Variants in RGS20 observed in about 807,000 individuals in gnomAD.
The protein encoded by RGS20 is regulator of G protein signaling 20, also known as gz-selective GTPase-activating protein.
A neutral mutation model predicts 33.6 loss-of-function variants in RGS20; 30 were observed. That is an observed-to-expected ratio of 0.89 (90% CI 0.67 to 1.21). The LOEUF is 1.21. Ranked by LOEUF, RGS20 falls within the 50% of genes most tolerant of loss-of-function variation. RGS20 has a pLI of 0.00. For synonymous variants in RGS20, 208 were observed against 197.9 expected (o/e 1.05, Z -0.43); for missense variants, 472 against 502.4 (o/e 0.94, Z 0.58).
chr8:53,953,971 T>C, intron 4 of RGS20, 105 bp from the exon 4 acceptor site: 3 of 833,092 alleles, frequency 3.6e-6, no homozygotes, highest in East Asian at 2.4e-5. Context: ...TAAATGCATA[T>C]ATTTTTCATT....
At chr8:53,937,538 C>G (rs747392402) in intron 2 of RGS20, among the ~76,000 whole-genome samples, 3 of 152,070 alleles carry the variant, frequency 2.0e-5, no homozygotes, top group Admixed American at 6.6e-5. Flanking sequence ...CAAATGGGAT[C>G]TAATTAAACT....
chr8:53,944,564 G>A (rs575249495), intron 3 of RGS20, among the ~76,000 whole-genome samples: 41 of 151,696 alleles, frequency 2.7e-4, no homozygotes, highest in Non-Finnish European at 5.9e-4. Flanking sequence ...TATTTTAGGT[G>A]TTAGCTAATT....
At chr8:53,887,593 G>A (rs1405252333) in intron 2 of RGS20, among the ~76,000 whole-genome samples, 2 of 152,174 alleles carry the variant, frequency 1.3e-5, no homozygotes, top group South Asian at 2.1e-4. Flanking sequence ...AAGAGCACAC[G>A]CCCATAGATT....
At chr8:53,890,076 G>A (rs1190974978) in intron 2 of RGS20, among the ~76,000 whole-genome samples, 1 of 151,828 alleles carries the variant, frequency 6.6e-6, no homozygotes, top group African/African-American at 2.4e-5. Context: ...TTTCTCTCCT[G>A]CTTCTGGGAC....
At chr8:53,931,447 C>T (rs1161294450) in intron 2 of RGS20, among the ~76,000 whole-genome samples, 1 of 152,068 alleles carries the variant, frequency 6.6e-6, no homozygotes, top group African/African-American at 2.4e-5. Context: ...CCCAGCTACT[C>T]AGGAGGCTGA....
intron 3 of RGS20, among the ~76,000 whole-genome samples, chr8:53,942,810 G>T (rs1019455728): frequency 6.8e-6 from 1 of 146,502 alleles, no homozygotes; most frequent in Non-Finnish European, 1.5e-5. Context: ...GCAACACAGC[G>T]AGACCATGTC....
intron 1 of RGS20, among the ~76,000 whole-genome samples, chr8:53,873,651 C>A (rs1169146448): frequency 6.6e-6 from 1 of 152,118 alleles, no homozygotes. Flanking sequence ...AGTTTATCCA[C>A]CCAAGCACTT....
At position 53,924,467 on chromosome 8, in the gene RGS20, C is replaced by T. The variant is rs111577138; in HGVS notation, c.511-15109C>T. 6.7e-3 allele frequency among the ~76,000 whole-genome samples: 1,018 copies of T among 152,084 alleles called. 7 individuals are homozygous for T. The highest frequency in any genetic ancestry group is 0.011 in the Non-Finnish European group (716 of 67,978). On this transcript the variant is annotated intron_variant, in intron 2 of 5. Transcript: ENST00000297313. ...CCTCCCAAAGTGCTAGGATTACAGG[C>T]GTGAGCCACCGTGCCTGGACTAGTT...
chr8:53,919,150 A>G (rs1435076582), intron 2 of RGS20, among the ~76,000 whole-genome samples: 1 of 152,206 alleles, frequency 6.6e-6, no homozygotes, highest in African/African-American at 2.4e-5. Flanking sequence ...TTCCCTAATG[A>G]CTGATTATGT....
At chr8:53,886,771 C>T (rs980743892) in intron 2 of RGS20, among the ~76,000 whole-genome samples, 10 of 152,218 alleles carry the variant, frequency 6.6e-5, no homozygotes, top group African/African-American at 2.4e-4. Context: ...CAAGTTTGTA[C>T]TGCTGCTCTT....
intron 4 of RGS20, among the ~76,000 whole-genome samples, chr8:53,947,605 AGT>A: frequency 8.3e-6 from 1 of 119,832 alleles, no homozygotes; most frequent in Non-Finnish European, 1.7e-5. Flanking sequence ...TATAGGATAT[AGT>A]ACATACATTT....
chr8:53,879,788 C>A, intron 2 of RGS20: 1 of 483,362 alleles, frequency 2.1e-6, no homozygotes, highest in Non-Finnish European at 3.5e-6. Context: ...CCCGGGACAC[C>A]GCCCCTCCCC....
At position 53,941,075 on chromosome 8, in the gene RGS20, T is replaced by C. The variant is rs191223134; in HGVS notation, c.659+1351T>C. ...CCTTTCTCTGCTGCCTCACGCAGGG[T>C]GTGGGAGGCGGCTGACATGCTGACC... On this transcript the variant is annotated intron_variant, in intron 3 of 5. Transcript: ENST00000297313. Among the ~76,000 whole-genome samples the C allele has an allele frequency of 4.6e-5, 7 of 152,246 alleles. No homozygotes were observed. In the East Asian group the frequency reaches 1.2e-3, roughly 25 times the overall value.
chr8:53,888,101 T>C (rs963155415), intron 2 of RGS20, among the ~76,000 whole-genome samples: 7 of 152,224 alleles, frequency 4.6e-5, no homozygotes, highest in African/African-American at 1.7e-4. Flanking sequence ...TTATTTCTAG[T>C]GACTACCCAG....
At chr8:53,951,806 AG>A (rs888658517) in intron 4 of RGS20, among the ~76,000 whole-genome samples, 1 of 151,816 alleles carries the variant, frequency 6.6e-6, no homozygotes, top group Non-Finnish European at 1.5e-5. Flanking sequence ...CACCTGAGGT[AG>A]GGAGTTTGAG....
At chr8:53,912,276 C>T (rs1461848840) in intron 2 of RGS20, among the ~76,000 whole-genome samples, 4 of 151,728 alleles carry the variant, frequency 2.6e-5, no homozygotes, top group Non-Finnish European at 5.9e-5. Flanking sequence ...TCTCTAAGCT[C>T]ATACAGCTAA....
At chr8:53,891,049 G>A (rs1812697324) in intron 2 of RGS20, among the ~76,000 whole-genome samples, 1 of 152,272 alleles carries the variant, frequency 6.6e-6, no homozygotes. Flanking sequence ...TTTGATAAAT[G>A]TCTTGTAGGA....
chr8:53,863,664 G>C (rs1206754485), intron 1 of RGS20, among the ~76,000 whole-genome samples: 1 of 151,792 alleles, frequency 6.6e-6, no homozygotes, highest in African/African-American at 2.4e-5. Flanking sequence ...TCTTTGAAAT[G>C]CCAAGAATTG....
At chr8:53,947,637 T>C (rs1307035843) in intron 4 of RGS20, among the ~76,000 whole-genome samples, 1 of 97,996 alleles carries the variant, frequency 1.0e-5, no homozygotes, top group Non-Finnish European at 2.0e-5. Flanking sequence ...ATATATAGGA[T>C]ATAGTACATA....
Sources: allele counts gnomAD v4.1 joint callset (sites outside exome capture counted in the v4.1 genomes callset), GRCh38; gene constraint gnomAD v4.1.1; transcripts MANE v1.5; gene names NCBI Gene and HGNC (gene_info 2026-07-23, HGNC 2026-07-21).